The following FHIT variants were observed in gnomAD, a reference collection of about 807,000 sequenced individuals.
FHIT encodes the protein fragile histidine triad diadenosine triphosphatase.
A neutral mutation model predicts 17.9 loss-of-function variants in FHIT; 19 were observed. The ratio of observed to expected loss-of-function variants is 1.06; its 90% confidence interval spans 0.74 to 1.56. The LOEUF (loss-of-function observed/expected upper bound fraction) is 1.56. FHIT is among the 40% of genes most tolerant of loss of function. The pLI is 0.00. For missense variants in FHIT, 248 were observed against 189.2 expected, an observed-to-expected ratio of 1.31 and a Z score of -1.82; for synonymous variants, 81 against 69.7, an observed-to-expected ratio of 1.16 and a Z score of -0.81.
intron 5 of FHIT, among the ~76,000 whole-genome samples, chr3:60,066,225 G>T (rs535754284): frequency 1.4e-4 from 21 of 152,198 alleles, no homozygotes; most frequent in Middle Eastern, 3.4e-3. Context: ...AAATTAAAAT[G>T]TAAGTCAAAC....
intron 1 of FHIT, among the ~76,000 whole-genome samples, chr3:61,219,986 T>C (rs2039793697): frequency 6.6e-6 from 1 of 152,208 alleles, no homozygotes; most frequent in Admixed American, 6.5e-5. Flanking sequence ...AACTGAGGGA[T>C]TTGCCTCTAT....
At chr3:60,826,417 C>G (rs561637352) in intron 3 of FHIT, among the ~76,000 whole-genome samples, 1 of 152,266 alleles carries the variant, frequency 6.6e-6, no homozygotes, top group East Asian at 1.9e-4. Flanking sequence ...ATCTCTGCCT[C>G]CCAGGTTCAA....
chr3:59,896,475 AGTT>A (rs1704076722), intron 8 of FHIT, among the ~76,000 whole-genome samples: 1 of 152,200 alleles, frequency 6.6e-6, no homozygotes, highest in African/African-American at 2.4e-5. Context: ...AATAGAGGGT[AGTT>A]AGTGTTCATC....
In FHIT at chr3:61,192,675, C is replaced by T. The variant is rs1252330117; in HGVS notation, c.-164+7942G>A. ...ATAATTAGCAGCAAATTTATGTGGC[C>T]TCCTTTGAGCAAAGACTCAGGAGAA... is the stretch of plus-strand genomic sequence containing the variant. On this transcript the variant is annotated intron_variant, in intron 2 of 9. Transcript: ENST00000492590. 3.3e-5 allele frequency among the ~76,000 whole-genome samples: 5 copies of T among 152,248 alleles called. No homozygotes were observed. In the South Asian group the frequency reaches 1.0e-3, roughly 32 times the overall value.
At chr3:60,672,874 CGTGTGT>C (rs71629109) in intron 4 of FHIT, among the ~76,000 whole-genome samples, 5 of 139,478 alleles carry the variant, frequency 3.6e-5, no homozygotes, top group South Asian at 4.7e-4. Context: ...CTCTTTGTAG[CGTGTGT>C]GTGTGTGTGT....
intron 4 of FHIT, among the ~76,000 whole-genome samples, chr3:60,757,324 G>C (rs1220469395): frequency 6.6e-6 from 1 of 152,156 alleles, no homozygotes; most frequent in Non-Finnish European, 1.5e-5. Context: ...TGAACAAGAA[G>C]CAACTGACTT....
At chr3:60,551,050 T>G (rs1408395686) in intron 4 of FHIT, among the ~76,000 whole-genome samples, 4 of 152,118 alleles carry the variant, frequency 2.6e-5, no homozygotes, top group Non-Finnish European at 5.9e-5. Context: ...TGTATGTGAC[T>G]ATATGGGGAT....
chr3:60,130,784 G>GTGTGT (rs148356992), intron 5 of FHIT, among the ~76,000 whole-genome samples: 16,290 of 110,872 alleles, frequency 0.15, 1,356 homozygotes, highest in Non-Finnish European at 0.23. Context: ...GTGTGTGTGT[G>GTGTGT]GTGTGTATAT....
At chr3:60,110,155 G>C (rs1704608976) in intron 5 of FHIT, among the ~76,000 whole-genome samples, 1 of 152,058 alleles carries the variant, frequency 6.6e-6, no homozygotes, top group Non-Finnish European at 1.5e-5. Context: ...AGGACACGGG[G>C]GGTTGGGCTA....
chr3:60,185,714 T>C (rs998175140), intron 5 of FHIT, among the ~76,000 whole-genome samples: 4 of 152,198 alleles, frequency 2.6e-5, no homozygotes, highest in Non-Finnish European at 5.9e-5. Flanking sequence ...TCAAAGCGCC[T>C]GTGCTATTTT....
At chr3:60,980,575 G>A (rs908732043) in intron 3 of FHIT, among the ~76,000 whole-genome samples, 4 of 152,100 alleles carry the variant, frequency 2.6e-5, no homozygotes, top group African/African-American at 9.7e-5. Context: ...CCAGATGTCG[G>A]TTCCAGAAAT....
At chr3:60,936,718 T>G (rs1708204409) in intron 3 of FHIT, among the ~76,000 whole-genome samples, 1 of 152,194 alleles carries the variant, frequency 6.6e-6, no homozygotes, top group Non-Finnish European at 1.5e-5. Context: ...GTTGTGTTGG[T>G]AGCATTTAGA....
intron 5 of FHIT, among the ~76,000 whole-genome samples, chr3:60,377,596 C>G (rs1700625529): frequency 6.7e-6 from 1 of 149,932 alleles, no homozygotes; most frequent in African/African-American, 2.5e-5. Context: ...ATTCTCCTGC[C>G]TCAGCCTCCC....
At chr3:59,896,843 C>G (rs56122642) in intron 8 of FHIT, among the ~76,000 whole-genome samples, 1 of 151,986 alleles carries the variant, frequency 6.6e-6, no homozygotes, top group African/African-American at 2.4e-5. Context: ...ACATTACTGA[C>G]GAAATCTGGA....
At chr3:60,154,899 T>A (rs1280100579) in intron 5 of FHIT, among the ~76,000 whole-genome samples, 2 of 151,998 alleles carry the variant, frequency 1.3e-5, no homozygotes, top group Non-Finnish European at 2.9e-5. Flanking sequence ...CCAAGTTAGG[T>A]TGTTCAAGAA....
chr3:60,749,912 A>G (rs2042433196), intron 4 of FHIT, among the ~76,000 whole-genome samples: 1 of 152,240 alleles, frequency 6.6e-6, no homozygotes, highest in Non-Finnish European at 1.5e-5. Context: ...TGAAAGATAC[A>G]AAGAATTAAG....
intron 7 of FHIT, among the ~76,000 whole-genome samples, chr3:59,994,971 G>A (rs1300819229): frequency 6.6e-6 from 1 of 152,080 alleles, no homozygotes; most frequent in African/African-American, 2.4e-5. Context: ...AGTATAAGAA[G>A]GTGGTGGTGG....
chr3:59,873,715 GC>G (rs113397413), intron 8 of FHIT, among the ~76,000 whole-genome samples: 2,292 of 152,180 alleles, frequency 0.015, 24 homozygotes, highest in South Asian at 0.021. Flanking sequence ...TGCCAAATGT[GC>G]CCCGGGGGAG....
At chr3:61,170,397 C>T (rs1024318251) in intron 2 of FHIT, among the ~76,000 whole-genome samples, 5 of 152,058 alleles carry the variant, frequency 3.3e-5, no homozygotes, top group Non-Finnish European at 7.4e-5. Flanking sequence ...ATTTTAACTT[C>T]AGGGGTACAT....
Sources: allele counts gnomAD v4.1 joint callset (sites outside exome capture counted in the v4.1 genomes callset), GRCh38; gene constraint gnomAD v4.1.1; transcripts MANE v1.5; gene names NCBI Gene and HGNC (gene_info 2026-07-23, HGNC 2026-07-21).